The following DCC variants were observed in gnomAD, a reference collection of about 807,000 sequenced individuals.
DCC encodes netrin receptor DCC.
Under a neutral mutation model 172.5 loss-of-function variants are expected in DCC, and 58 were observed. That is an observed-to-expected ratio of 0.34 (90% CI 0.27 to 0.42). DCC has a LOEUF of 0.42. Ranked by LOEUF, DCC falls within the 10% of genes least tolerant of loss-of-function variation. The pLI is 1.00. For synonymous variants in DCC, 709 were observed against 644.5 expected (o/e 1.10, Z -1.52); for missense variants, 1,740 against 1,791.0 (o/e 0.97, Z 0.51).
At chr18:52,796,479 T>A (rs976736025) in intron 2 of DCC, among the ~76,000 whole-genome samples, 3 of 152,156 alleles carry the variant, frequency 2.0e-5, no homozygotes, top group African/African-American at 4.8e-5. Context: ...AGGACTATTT[T>A]AAACATTTTT....
chr18:53,308,188 G>A (rs1057108307), intron 13 of DCC, among the ~76,000 whole-genome samples: 2 of 151,314 alleles, frequency 1.3e-5, no homozygotes, highest in Non-Finnish European at 2.9e-5. Flanking sequence ...AGACACAGTT[G>A]TATCTTGGAA....
intron 2 of DCC, among the ~76,000 whole-genome samples, chr18:52,808,587 C>G (rs2038133140): frequency 6.6e-6 from 1 of 152,124 alleles, no homozygotes. Context: ...TGGAAACTCC[C>G]TATTTTGGAA....
intron 5 of DCC, among the ~76,000 whole-genome samples, chr18:52,943,661 G>C (rs972547517): frequency 2.0e-5 from 3 of 151,922 alleles, no homozygotes; most frequent in Non-Finnish European, 4.4e-5. Context: ...TTTATTTTCT[G>C]GCATTCATAA....
At chr18:52,983,762 T>A (rs549331606) in intron 5 of DCC, among the ~76,000 whole-genome samples, 2 of 152,170 alleles carry the variant, frequency 1.3e-5, no homozygotes, top group African/African-American at 4.8e-5. Context: ...TCTGGAATTA[T>A]AGAGATGGGC....
intron 15 of DCC, among the ~76,000 whole-genome samples, chr18:53,349,733 T>G (rs1291644106): frequency 1.3e-5 from 2 of 152,106 alleles, no homozygotes; most frequent in East Asian, 3.9e-4. Context: ...TTTAAAACCA[T>G]CAAATCTCAT....
intron 15 of DCC, among the ~76,000 whole-genome samples, chr18:53,350,335 G>A (rs2057776337): frequency 6.6e-6 from 1 of 151,952 alleles, no homozygotes; most frequent in African/African-American, 2.4e-5. Flanking sequence ...AAACTTTTAG[G>A]GTTTTACATC....
At chr18:52,833,819 C>A (rs1301405868) in intron 2 of DCC, among the ~76,000 whole-genome samples, 3 of 152,218 alleles carry the variant, frequency 2.0e-5, no homozygotes, top group Admixed American at 6.5e-5. Flanking sequence ...TGGCACCATG[C>A]CTAGCTAATT....
intron 1 of DCC, among the ~76,000 whole-genome samples, chr18:52,458,307 G>C (rs1988521322): frequency 6.6e-6 from 1 of 152,012 alleles, no homozygotes. Context: ...TTCTGATTGA[G>C]CCAGGGTCAC....
At chr18:53,442,396 T>A (rs1912329811) in intron 22 of DCC, among the ~76,000 whole-genome samples, 1 of 152,224 alleles carries the variant, frequency 6.6e-6, no homozygotes, top group South Asian at 2.1e-4. Context: ...ATCTTTGACA[T>A]TACTATTGTA....
In DCC at chr18:53,067,078, A is replaced by C. The variant is rs571773900; in HGVS notation, c.1261+912A>C. ...CCAGGCCCCACCTCCAACACTGGGG[A>C]TTGCAATTAGACATGAGAGTTTGGT... On this transcript the variant is annotated intron_variant, in intron 7 of 28. Coordinates refer to ENST00000442544, the MANE Select transcript of DCC (RefSeq NM_005215.4). 4.6e-5 allele frequency among the ~76,000 whole-genome samples: 7 copies of C among 152,298 alleles called. 1 individual carries two copies. In the South Asian group the frequency reaches 1.2e-3, roughly 27 times the overall value.
chr18:52,526,246 T>A (rs940487489), intron 1 of DCC, among the ~76,000 whole-genome samples: 32 of 152,054 alleles, frequency 2.1e-4, no homozygotes, highest in Non-Finnish European at 1.3e-4. Context: ...GTGTGTCAGA[T>A]AAAAGAAAGC....
chr18:53,311,553 A>G (rs1413017821), intron 13 of DCC, among the ~76,000 whole-genome samples: 2 of 152,232 alleles, frequency 1.3e-5, no homozygotes, highest in African/African-American at 4.8e-5. Flanking sequence ...TCCTTTCACT[A>G]TGCGTGTTGT....
intron 7 of DCC, among the ~76,000 whole-genome samples, chr18:53,134,613 A>G (rs948394932): frequency 6.6e-6 from 1 of 152,140 alleles, no homozygotes; most frequent in Non-Finnish European, 1.5e-5. Context: ...TGGTAGGTCA[A>G]AACCCAATGG....
At chr18:53,358,789 G>GGAC (rs886276262) in intron 15 of DCC, among the ~76,000 whole-genome samples, 4 of 151,860 alleles carry the variant, frequency 2.6e-5, no homozygotes, top group Admixed American at 2.6e-4. Context: ...CAAAGTCATG[G>GGAC]GACTACAGGC....
chr18:52,567,145 C>T (rs955374744), intron 1 of DCC, among the ~76,000 whole-genome samples: 2 of 152,080 alleles, frequency 1.3e-5, no homozygotes. Context: ...TTTCATAAAG[C>T]TCAACTTAAC....
intron 5 of DCC, among the ~76,000 whole-genome samples, chr18:53,009,311 C>T (rs905204538): frequency 5.9e-5 from 9 of 151,848 alleles, no homozygotes; most frequent in Non-Finnish European, 1.0e-4. Context: ...ATGGATATAA[C>T]ATAATAAAAA....
chr18:53,391,299 A>T (rs1292703638), intron 16 of DCC, among the ~76,000 whole-genome samples: 2 of 152,302 alleles, frequency 1.3e-5, no homozygotes, highest in Non-Finnish European at 2.9e-5. Context: ...TTTAAATTAT[A>T]TAGTAATAAA....
At chr18:52,861,822 A>G (rs1304459009) in intron 2 of DCC, among the ~76,000 whole-genome samples, 1 of 152,214 alleles carries the variant, frequency 6.6e-6, no homozygotes, top group Non-Finnish European at 1.5e-5. Context: ...AAGTTATCAG[A>G]AGCCTGTATT....
intron 1 of DCC, among the ~76,000 whole-genome samples, chr18:52,743,741 G>A (rs1661535701): frequency 6.6e-6 from 1 of 152,154 alleles, no homozygotes; most frequent in Admixed American, 6.5e-5. Context: ...GCCTCTGTGT[G>A]GGCTCACTAA....
Sources: allele counts gnomAD v4.1 joint callset (sites outside exome capture counted in the v4.1 genomes callset), GRCh38; gene constraint gnomAD v4.1.1; transcripts MANE v1.5; gene names NCBI Gene and HGNC (gene_info 2026-07-23, HGNC 2026-07-21).